MYO10: variants seen among roughly 807,000 people sequenced by gnomAD.
The protein encoded by MYO10 is unconventional myosin-X.
A neutral mutation model predicts 257.3 loss-of-function variants in MYO10; 133 were observed. The observed-to-expected ratio is 0.52, with a 90% CI of 0.45 to 0.60. The LOEUF (loss-of-function observed/expected upper bound fraction) is 0.60, where lower values mean the gene tolerates loss of function less well. Among genes scored for constraint, MYO10 ranks in the 20% least tolerant of loss-of-function variants. MYO10 has a pLI of 0.00. For synonymous variants in MYO10, 1,104 were observed against 1,028.6 expected, an observed-to-expected ratio of 1.07 and a Z score of -1.40; for missense variants, 2,399 against 2,635.7, an observed-to-expected ratio of 0.91 and a Z score of 1.97.
intron 9 of MYO10, among the ~76,000 whole-genome samples, chr5:16,771,129 G>C (rs910529362): frequency 2.0e-5 from 3 of 152,288 alleles, no homozygotes; most frequent in East Asian, 1.9e-4. Flanking sequence ...AAACAATGGA[G>C]AGGGAAAGAA....
chr5:16,700,268 A>AG (rs1737981518), intron 25 of MYO10, among the ~76,000 whole-genome samples: 1 of 152,222 alleles, frequency 6.6e-6, no homozygotes, highest in Admixed American at 6.5e-5. Context: ...GTCTTGTTCC[A>AG]GTTCAGGATG....
chr5:16,915,910 T>C (rs1368963135), intron 1 of MYO10: 11 of 392,988 alleles, frequency 2.8e-5, no homozygotes, highest in African/African-American at 1.7e-4. Context: ...TGAGCTGAAA[T>C]TGCGCCACTG....
At position 16,668,337 on chromosome 5, in the gene MYO10, G is replaced by C. The variant is rs758375865; in HGVS notation, c.6015C>G (p.Pro2005=). The change falls in exon 40 of 41, where the codon CCC becomes CCG. Residue 2005 remains proline, a synonymous_variant. Coordinates refer to ENST00000513610, the MANE Select transcript of MYO10 (RefSeq NM_012334.3). ...QYEHILSFGA[P]LANTYKIVVD... ...CCACGATCTTATACGTATTCGCCAG[G>C]GGTGCCCCAAAAGAGAGGATGTGTT... The C allele has an allele frequency of 4.3e-6, 7 of 1,613,830 alleles. No individual in the cohort carries two copies. In the African/African-American group the frequency reaches 5.3e-5, roughly 12 times the overall value.
chr5:16,920,828 C>T (rs920148253), intron 1 of MYO10, among the ~76,000 whole-genome samples: 1 of 152,008 alleles, frequency 6.6e-6, no homozygotes, highest in Non-Finnish European at 1.5e-5. Context: ...AAAATGGATA[C>T]CAGAATAGGC....
At chr5:16,682,435 T>G (rs1037398874) in intron 30 of MYO10, among the ~76,000 whole-genome samples, 1 of 152,176 alleles carries the variant, frequency 6.6e-6, no homozygotes, top group Non-Finnish European at 1.5e-5. Flanking sequence ...TAAATAGGTG[T>G]AGGTGGAGCA....
At chr5:16,852,266 A>T (rs1256880493) in intron 2 of MYO10, among the ~76,000 whole-genome samples, 5 of 151,710 alleles carry the variant, frequency 3.3e-5, no homozygotes, top group Admixed American at 6.6e-5. Context: ...ACAAAGAAAC[A>T]AAAAGTATAG....
chr5:16,909,736 G>T (rs960212960), intron 1 of MYO10, among the ~76,000 whole-genome samples: 4 of 152,088 alleles, frequency 2.6e-5, no homozygotes, highest in Non-Finnish European at 4.4e-5. Context: ...GTTGACATCT[G>T]ATCCCCAGTG....
chr5:16,928,831 C>T (rs1746212452), intron 1 of MYO10, among the ~76,000 whole-genome samples: 1 of 149,978 alleles, frequency 6.7e-6, no homozygotes, highest in African/African-American at 2.5e-5. Flanking sequence ...GGCGACAGAG[C>T]AAGACTCCAT....
chr5:16,705,512 A>G (rs966948272), intron 21 of MYO10, among the ~76,000 whole-genome samples: 3 of 152,252 alleles, frequency 2.0e-5, no homozygotes, highest in Non-Finnish European at 4.4e-5. Context: ...TTGCCATTTC[A>G]GATTTAATAC....
chr5:16,829,225 G>A (rs1435602583), intron 2 of MYO10, among the ~76,000 whole-genome samples: 1 of 152,144 alleles, frequency 6.6e-6, no homozygotes, highest in Non-Finnish European at 1.5e-5. Flanking sequence ...GACTTGGGAA[G>A]GGCCCCCTGT....
At position 16,670,498 on chromosome 5, in the gene MYO10, A is replaced by AC. The variant is rs768832767; in HGVS notation, c.5883+27dup. The AC allele has an allele frequency of 3.2e-6, 5 of 1,563,588 alleles. No homozygotes were observed. The African/African-American group carries it at 5.4e-5, about 17-fold the overall frequency. On this transcript the variant is annotated intron_variant, in intron 39 of 40. Transcript: ENST00000513610. Reference sequence around the variant, plus strand: ...GTTCTCAGATGCCAGCACCCAGCCCACCCCAACACACGGCAGCCAGTTCTC... The same window carrying AC: ...GTTCTCAGATGCCAGCACCCAGCCCACCCCCAACACACGGCAGCCAGTTCTC...
At chr5:16,668,195 T>G in intron 40 of MYO10, 82 bp downstream of exon 40, 1 of 1,404,552 alleles carries the variant, frequency 7.1e-7, no homozygotes, top group Non-Finnish European at 9.7e-7. Flanking sequence ...AATGACCTGG[T>G]CAAAGGCATG....
chr5:16,838,355 C>T (rs173786), intron 2 of MYO10, among the ~76,000 whole-genome samples: 55,345 of 152,020 alleles, frequency 0.36, 10,838 homozygotes, highest in African/African-American at 0.53. Context: ...TTGTTGCTGA[C>T]ATAGAGGAAG....
chr5:16,865,260 C>T (rs1057224624), intron 2 of MYO10, among the ~76,000 whole-genome samples: 8 of 152,128 alleles, frequency 5.3e-5, no homozygotes, highest in Non-Finnish European at 1.5e-5. Context: ...GGCTGTGCAA[C>T]CCACCTTCCT....
chr5:16,751,126 C>T (rs1246853198), intron 19 of MYO10, among the ~76,000 whole-genome samples: 5 of 152,136 alleles, frequency 3.3e-5, no homozygotes, highest in Non-Finnish European at 5.9e-5. Flanking sequence ...CGGTGGACTG[C>T]GACTGGAGAG....
chr5:16,884,601 C>A (rs1744843723), intron 1 of MYO10, among the ~76,000 whole-genome samples: 1 of 151,156 alleles, frequency 6.6e-6, no homozygotes, highest in Non-Finnish European at 1.5e-5. Context: ...TGATGAACTG[C>A]AGAAACGGGT....
chr5:16,816,879 G>A (rs1160585829), intron 3 of MYO10, among the ~76,000 whole-genome samples: 2 of 150,328 alleles, frequency 1.3e-5, no homozygotes, highest in East Asian at 2.0e-4. Flanking sequence ...GAGTGCAGTG[G>A]CGCGATCTTG....
At chr5:16,866,924 G>GGA (rs1744267675) in intron 2 of MYO10, among the ~76,000 whole-genome samples, 1 of 152,178 alleles carries the variant, frequency 6.6e-6, no homozygotes, top group Non-Finnish European at 1.5e-5. Flanking sequence ...TGCCCTCCCG[G>GGA]ACCCCAGGTG....
rs776335902 is a variant in MYO10 at position 16,673,690 on chromosome 5, C to T, written c.5164G>A (p.Ala1722Thr). ...CKITINSHTT[A>T]GEVVEKLIRG... The stretch of plus-strand genomic sequence containing the variant: ...CAGCTGCCTCTCCTCACCTCCCCAG[C>T]GGTGGTGTGGGAGTTGATGGTGATC... The change falls in exon 36 of 41, where the codon GCT becomes ACT. Residue 1722 changes from alanine to threonine, a missense_variant. Transcript: ENST00000513610. The T allele has an allele frequency of 1.1e-5, 17 of 1,613,294 alleles. No individual in the cohort carries two copies. The highest frequency in any genetic ancestry group is 1.2e-5 in the Non-Finnish European group (14 of 1,179,600).
Sources: gnomAD v4.1 joint callset for allele counts (sites outside exome capture counted in the v4.1 genomes callset) on GRCh38, gnomAD v4.1.1 for gene constraint, MANE v1.5 for transcripts, NCBI Gene and HGNC (gene_info 2026-07-23, HGNC 2026-07-21) for gene names.